Variants in FLRT2 observed in about 807,000 individuals in gnomAD.
FLRT2 encodes fibronectin leucine rich transmembrane protein 2, also known as leucine-rich repeat transmembrane protein FLRT2.
A neutral mutation model predicts 40.0 loss-of-function variants in FLRT2; 15 were observed. The observed-to-expected ratio is 0.38, with a 90% CI of 0.25 to 0.58. The LOEUF (loss-of-function observed/expected upper bound fraction) is 0.58. FLRT2 is among the 20% of genes least tolerant of loss of function. The pLI is 0.71. For synonymous variants in FLRT2, 380 were observed against 336.8 expected, an observed-to-expected ratio of 1.13 and a Z score of -1.41; for missense variants, 726 against 840.0, an observed-to-expected ratio of 0.86 and a Z score of 1.68.
At position 85,622,307 on chromosome 14, in the gene FLRT2, A is replaced by C. The variant is rs955797150; in HGVS notation, c.793A>C (p.Asn265His). The C allele has an allele frequency of 1.9e-6, 3 of 1,613,982 alleles. No individual in the cohort carries two copies. In the African/African-American group the frequency reaches 4.0e-5, roughly 22 times the overall value. Reference protein sequence around the residue: ...IRLYLQDNQINHIPLTAFSNL... With the variant: ...IRLYLQDNQIHHIPLTAFSNL... ...GCTCTATTTGCAGGACAACCAGATA[A>C]ACCACATTCCTTTGACAGCCTTCTC... The change falls in exon 2 of 2, where the codon AAC becomes CAC. Residue 265 changes from asparagine (N) to histidine (H), a missense_variant. Asn to His is a moderately conservative substitution (Grantham distance 68). Around this residue, in one of 3 missense-constraint regions of FLRT2, gnomAD observed 611 missense variants for 690.0 expected, o/e 0.89. Coordinates refer to ENST00000330753, the MANE Select transcript of FLRT2 (RefSeq NM_013231.6).
rs1395219404 is a variant in FLRT2 at position 85,624,214 on chromosome 14, C to T, written c.*717C>T. ...ATGCTTCCCTGGTCCTATGTGATAA[C>T]AGAGTTAGAGACTTGAGTCTGATTT... is the stretch of plus-strand genomic sequence containing the variant. On this transcript the variant is annotated 3_prime_UTR_variant, in exon 2 of 2. Coordinates refer to ENST00000330753, the MANE Select transcript of FLRT2 (RefSeq NM_013231.6). 1.2e-5 allele frequency: 2 copies of T among 166,992 alleles called. No homozygotes were observed. The highest frequency in any genetic ancestry group is 4.8e-5 in the African/African-American group (2 of 41,428). 10.3% of individuals were successfully genotyped at this position (166,992 alleles called of 1,614,324 possible). A position where few individuals can be genotyped will look rare whatever the true frequency, so the allele number is the denominator to read the frequency against.
chr14:85,619,517 A>AT (rs546114546), intron 1 of FLRT2, among the ~76,000 whole-genome samples: 103 of 152,310 alleles, frequency 6.8e-4, no homozygotes, highest in African/African-American at 2.4e-3. Context: ...CATCGAAGGC[A>AT]TTTTTTGAGA....
At chr14:85,581,657 A>G (rs572882112) in intron 1 of FLRT2, among the ~76,000 whole-genome samples, 1 of 152,358 alleles carries the variant, frequency 6.6e-6, no homozygotes, top group South Asian at 2.1e-4. Flanking sequence ...CATTATATAC[A>G]TTCTTACAAA....
chr14:85,565,193 T>A (rs535805226), intron 1 of FLRT2, among the ~76,000 whole-genome samples: 1 of 152,336 alleles, frequency 6.6e-6, no homozygotes, highest in African/African-American at 2.4e-5. Flanking sequence ...TGAACGAAGA[T>A]AATGAAAGCC....
Position 85,637,709 on chromosome 14 carries a change from T to C in FLRT2, c.*14212T>C, listed in dbSNP as rs1894043328. 1 of 152,216 alleles carries C rather than the reference T, an allele frequency of 6.6e-6. No individual in the cohort carries two copies. The highest frequency in any genetic ancestry group is 1.5e-5 in the Non-Finnish European group (1 of 68,038). 9.4% of individuals were successfully genotyped at this position (152,216 alleles called of 1,614,324 possible). On this transcript the variant is annotated 3_prime_UTR_variant, in exon 2 of 2. Coordinates refer to ENST00000330753, the MANE Select transcript of FLRT2 (RefSeq NM_013231.6). Reference sequence around the variant, plus strand: ...GGTGGACCCACCATTCCTGCCATATTCCTTGGGTAGGCTCATCTATCACTT... The same window carrying C: ...GGTGGACCCACCATTCCTGCCATATCCCTTGGGTAGGCTCATCTATCACTT...
chr14:85,613,330 A>G (rs1180705404), intron 1 of FLRT2, among the ~76,000 whole-genome samples: 1 of 152,154 alleles, frequency 6.6e-6, no homozygotes, highest in East Asian at 1.9e-4. Flanking sequence ...AGTCAATAAG[A>G]GCATGGAATT....
intron 1 of FLRT2, among the ~76,000 whole-genome samples, chr14:85,586,507 G>A (rs1239666561): frequency 2.6e-5 from 4 of 151,902 alleles, no homozygotes; most frequent in Non-Finnish European, 5.9e-5. Context: ...TTGTTAAGAT[G>A]GTAGACAGCA....
intron 1 of FLRT2, among the ~76,000 whole-genome samples, chr14:85,602,611 A>T (rs772483859): frequency 6.6e-6 from 1 of 152,232 alleles, no homozygotes; most frequent in Non-Finnish European, 1.5e-5. Flanking sequence ...AAATGTTCCA[A>T]TTATGAAGAG....
chr14:85,598,921 T>G (rs1280684200), intron 1 of FLRT2, among the ~76,000 whole-genome samples: 1 of 148,096 alleles, frequency 6.8e-6, no homozygotes, highest in Non-Finnish European at 1.5e-5. Flanking sequence ...GGATGGTTTT[T>G]TTTTTTTTTT....
rs1172904021 is a variant in FLRT2, at chr14:85,632,062, G to T, written c.*8565G>T. On this transcript the variant is annotated 3_prime_UTR_variant, in exon 2 of 2. Coordinates refer to ENST00000330753, the MANE Select transcript of FLRT2 (RefSeq NM_013231.6). The stretch of plus-strand genomic sequence containing the variant: ...GCTAGTCTCGAACTCCTGACCTCAG[G>T]TGATCCCCCCACCTAGGCCTCCCAA... The T allele has an allele frequency of 6.6e-6, 1 of 152,028 alleles. No homozygotes were observed. Among genetic ancestry groups the T allele is most frequent in the Non-Finnish European group, 1.5e-5 (1 of 68,110 alleles). 9.4% of individuals were successfully genotyped at this position (152,028 alleles called of 1,614,324 possible).
Position 85,642,309 on chromosome 14 carries a change from T to G in FLRT2, c.*18812T>G, listed in dbSNP as rs370405599. ...TTATAATGGGAATGTTAGGTAGGTT[T>G]AAATTATTCTGACTATACTGAACCC... On this transcript the variant is annotated 3_prime_UTR_variant, in exon 2 of 2. Coordinates refer to ENST00000330753, the MANE Select transcript of FLRT2 (RefSeq NM_013231.6). 1 of 152,136 alleles carries G rather than the reference T, an allele frequency of 6.6e-6. No individual in the cohort carries two copies. The highest frequency in any genetic ancestry group is 2.4e-5 in the African/African-American group (1 of 41,420). 9.4% of individuals were successfully genotyped at this position (152,136 alleles called of 1,614,324 possible).
At chr14:85,599,958 C>A (rs1016440802) in intron 1 of FLRT2, among the ~76,000 whole-genome samples, 1 of 152,052 alleles carries the variant, frequency 6.6e-6, no homozygotes, top group Non-Finnish European at 1.5e-5. Context: ...GTTAATAGGA[C>A]AGTATATGAT....
rs1894012712 is a variant in FLRT2 at position 85,636,716 on chromosome 14, G to A, written c.*13219G>A. 6.6e-6 allele frequency: 1 copy of A among 151,836 alleles called. No individual in the cohort carries two copies. Among genetic ancestry groups the A allele is most frequent in the South Asian group, 2.1e-4 (1 of 4,822 alleles). The allele number at this position is 151,836 out of a possible 1,614,324, so 9.4% of individuals were successfully genotyped here. A position where few individuals can be genotyped will look rare whatever the true frequency, so the allele number is the denominator to read the frequency against. On this transcript the variant is annotated 3_prime_UTR_variant, in exon 2 of 2. Transcript: ENST00000330753. ...GAGGTGGGTGAATTATTTATTTGAG[G>A]TCAGGAGTTTGAGACTAGCTTGGCC... is the stretch of plus-strand genomic sequence containing the variant.
Position 85,634,783 on chromosome 14 carries a change from T to C in FLRT2, c.*11286T>C, listed in dbSNP as rs1893964029. 6.6e-6 allele frequency: 1 copy of C among 152,148 alleles called. No individual in the cohort carries two copies. The highest frequency in any genetic ancestry group is 2.1e-4 in the South Asian group (1 of 4,832). The allele number at this position is 152,148 out of a possible 1,614,324, so 9.4% of individuals were successfully genotyped here. On this transcript the variant is annotated 3_prime_UTR_variant, in exon 2 of 2. Transcript: ENST00000330753. ...AAATGCCAGCTACTTTCTGAAAATA[T>C]ATGGAATTAGTGTGCAAAAAGTTGG...
chr14:85,534,059 C>A (rs1159416546), intron 1 of FLRT2, among the ~76,000 whole-genome samples: 1 of 146,002 alleles, frequency 6.8e-6, no homozygotes, highest in African/African-American at 2.4e-5. Flanking sequence ...CTCCCAGAGC[C>A]CTTCCTGGCC....
At chr14:85,572,919 ACTCT>A (rs937967820) in intron 1 of FLRT2, among the ~76,000 whole-genome samples, 8 of 151,912 alleles carry the variant, frequency 5.3e-5, no homozygotes, top group Admixed American at 3.9e-4. Flanking sequence ...AGTCTGAGTA[ACTCT>A]CTCAAGAGAG....
rs1457412201 is a variant in FLRT2, at chr14:85,652,597, A to G, written c.*29100A>G. On this transcript the variant is annotated 3_prime_UTR_variant, in exon 2 of 2. Coordinates refer to ENST00000330753, the MANE Select transcript of FLRT2 (RefSeq NM_013231.6). ...TACAACTTTAAATAAATTTAAGATGACATTATGACTTATTAGGCCACAGTT... is the reference window on the plus strand; with the variant it reads ...TACAACTTTAAATAAATTTAAGATGGCATTATGACTTATTAGGCCACAGTT... The G allele has an allele frequency of 6.6e-6, 1 of 152,154 alleles. No homozygotes were observed. Among genetic ancestry groups the G allele is most frequent in the Non-Finnish European group, 1.5e-5 (1 of 68,000 alleles). 9.4% of individuals were successfully genotyped at this position (152,154 alleles called of 1,614,324 possible).
At chr14:85,552,310 A>T (rs774403092) in intron 1 of FLRT2, among the ~76,000 whole-genome samples, 4 of 152,150 alleles carry the variant, frequency 2.6e-5, no homozygotes, top group Non-Finnish European at 5.9e-5. Context: ...AAAGTACTTA[A>T]CCTATATAAT....
At chr14:85,568,893 C>T (rs1025306407) in intron 1 of FLRT2, among the ~76,000 whole-genome samples, 1 of 152,056 alleles carries the variant, frequency 6.6e-6, no homozygotes, top group Non-Finnish European at 1.5e-5. Context: ...GTATATCAGC[C>T]GCCTCTCTCT....
Sources: gnomAD v4.1 joint callset for allele counts (sites outside exome capture counted in the v4.1 genomes callset) on GRCh38, gnomAD v4.1.1 for gene constraint, gnomAD v4.1.1 regional missense constraint, MANE v1.5 for transcripts, NCBI Gene and HGNC (gene_info 2026-07-23, HGNC 2026-07-21) for gene names.